HK1: variants seen among roughly 807,000 people sequenced by gnomAD.
HK1 encodes the protein hexokinase-1.
In HK1, 28 loss-of-function variants were observed where a neutral mutation model predicts 91.6. The observed-to-expected ratio is 0.31, with a 90% CI of 0.23 to 0.42. The LOEUF is 0.42. Among genes scored for constraint, HK1 ranks in the 10% least tolerant of loss-of-function variants. The pLI is 1.00. For synonymous variants in HK1, 430 were observed against 468.1 expected (o/e 0.92, Z 1.05); for missense variants, 770 against 1,219.8 (o/e 0.63, Z 5.49).
At chr10:69,338,455 T>A in intron 1 of HK1, 1 of 1,271,288 alleles carries the variant, frequency 7.9e-7, no homozygotes, top group Non-Finnish European at 1.0e-6. Flanking sequence ...TTTGAGGGCC[T>A]GGGTTTCTGT....
At position 69,351,924 on chromosome 10, in the gene HK1, G is replaced by A. The variant is rs551642934; in HGVS notation, c.226+7935G>A. ...TAGCTGATGGATGGTCAAATAAAAT[G>A]TTTCTGATATTCTAGTGACTCACCT... On this transcript the variant is annotated intron_variant, in intron 2 of 17. Coordinates refer to ENST00000359426, the MANE Select transcript of HK1 (RefSeq NM_000188.3). 5.9e-5 allele frequency among the ~76,000 whole-genome samples: 9 copies of A among 152,098 alleles called. No individual in the cohort carries two copies. In the East Asian group the frequency reaches 1.7e-3, roughly 29 times the overall value.
intron 1 of HK1, among the ~76,000 whole-genome samples, chr10:69,340,799 G>T (rs373712337): frequency 6.6e-6 from 1 of 152,140 alleles, no homozygotes; most frequent in African/African-American, 2.4e-5. Context: ...CCCAAGGCTC[G>T]CTGTGCTGTG....
At chr10:69,312,547 C>T (rs10159598), upstream of HK1, among the ~76,000 whole-genome samples, 14,251 of 147,308 alleles carry the variant, frequency 0.097, 1,732 homozygotes, top group African/African-American at 0.29. Flanking sequence ...CCATATAGCC[C>T]TTTTTTTTTT....
intron 1 of HK1, among the ~76,000 whole-genome samples, chr10:69,342,009 G>C (rs960631764): frequency 7.2e-5 from 11 of 152,086 alleles, no homozygotes; most frequent in Admixed American, 7.2e-4. Context: ...TTAGCAGGGC[G>C]TGGTGGCGCA....
At chr10:69,395,718 G>T (rs1840104802) in intron 16 of HK1, among the ~76,000 whole-genome samples, 1 of 152,210 alleles carries the variant, frequency 6.6e-6, no homozygotes, top group South Asian at 2.1e-4. Flanking sequence ...ACACATACTT[G>T]TATTGGGGGT....
At chr10:69,273,032 C>CT (rs745403867) in intron 1 of HK1, among the ~76,000 whole-genome samples, 4,587 of 130,474 alleles carry the variant, frequency 0.035, 308 homozygotes, top group African/African-American at 0.11. Flanking sequence ...TCTTTTTTAC[C>CT]TTTTTTTTTT....
chr10:69,326,693 A>G (rs938449300), intron 1 of HK1, among the ~76,000 whole-genome samples: 1 of 152,186 alleles, frequency 6.6e-6, no homozygotes, highest in Non-Finnish European at 1.5e-5. Flanking sequence ...GTTCACATAA[A>G]CACCTCTGAG....
At chr10:69,355,210 A>G (rs1226067155) in intron 2 of HK1, among the ~76,000 whole-genome samples, 1 of 152,192 alleles carries the variant, frequency 6.6e-6, no homozygotes, top group East Asian at 1.9e-4. Flanking sequence ...CACCATTGTA[A>G]GTTCCAGAAA....
rs940829667 is a variant in HK1, at chr10:69,365,387, C to T, written c.495+485C>T. Among the ~76,000 whole-genome samples the T allele has an allele frequency of 4.6e-5, 7 of 152,176 alleles. 1 individual carries two copies. The South Asian group carries it at 6.2e-4, about 13-fold the overall frequency. Reference sequence around the variant, plus strand: ...GCGACCTCCGAGGTGACTTGTTGTACCCACCTTCCTGTTTGTCATCTATTT... The same window carrying T: ...GCGACCTCCGAGGTGACTTGTTGTATCCACCTTCCTGTTTGTCATCTATTT... On this transcript the variant is annotated intron_variant, in intron 4 of 17. Transcript: ENST00000359426.
In HK1 at chr10:69,354,273, G is replaced by T. The variant is rs150809942; in HGVS notation, c.227-5624G>T. Among the ~76,000 whole-genome samples the T allele has an allele frequency of 1.5e-3, 225 of 152,316 alleles. 1 individual carries two copies. The highest frequency in any genetic ancestry group is 5.0e-3 in the African/African-American group (209 of 41,570). Reference sequence around the variant, plus strand: ...TTAATAAACAGCAAGCAGGGGTGCTGTATTAGTCCGTTTTCATACTGTTAA... The same window carrying T: ...TTAATAAACAGCAAGCAGGGGTGCTTTATTAGTCCGTTTTCATACTGTTAA... On this transcript the variant is annotated intron_variant, in intron 2 of 17. Coordinates refer to ENST00000359426, the MANE Select transcript of HK1 (RefSeq NM_000188.3).
chr10:69,297,782 A>G (rs376186104), intron 4 of HK1, among the ~76,000 whole-genome samples: 1 of 150,756 alleles, frequency 6.6e-6, no homozygotes, highest in South Asian at 2.1e-4. Context: ...TGTAATCCCA[A>G]CTACTTGGGA....
At chr10:69,370,749 A>G (rs1288520201) in intron 7 of HK1, among the ~76,000 whole-genome samples, 4 of 152,204 alleles carry the variant, frequency 2.6e-5, no homozygotes, top group African/African-American at 4.8e-5. Flanking sequence ...CATTCTTACT[A>G]TGGCAATCTC....
intron 5 of HK1, among the ~76,000 whole-genome samples, chr10:69,302,332 C>G (rs1845916705): frequency 6.6e-6 from 1 of 151,222 alleles, no homozygotes; most frequent in African/African-American, 2.4e-5. Context: ...GCTGCATGAA[C>G]TGAAATTGAG....
chr10:69,386,199 T>C, intron 12 of HK1, 124 bp from the exon 13 acceptor site: 2 of 752,922 alleles, frequency 2.7e-6, no homozygotes, highest in Non-Finnish European at 4.8e-6. Flanking sequence ...CTCAGATGTT[T>C]GAACTCCGTC....
At chr10:69,281,570 G>C (rs937359677) in intron 1 of HK1, among the ~76,000 whole-genome samples, 3 of 151,836 alleles carry the variant, frequency 2.0e-5, no homozygotes, top group Non-Finnish European at 3.0e-5. Flanking sequence ...CCCAGGATTA[G>C]ATGTTGTGGC....
At chr10:69,352,285 G>A (rs1193231139) in intron 2 of HK1, among the ~76,000 whole-genome samples, 1 of 152,086 alleles carries the variant, frequency 6.6e-6, no homozygotes, top group Non-Finnish European at 1.5e-5. Flanking sequence ...GAGCCACTGC[G>A]CCCGGCTGAA....
rs372240052 is a variant in HK1 at position 69,346,360 on chromosome 10, T to A, written c.226+2371T>A. On this transcript the variant is annotated intron_variant, in intron 2 of 17. Coordinates refer to ENST00000359426, the MANE Select transcript of HK1 (RefSeq NM_000188.3). ...CAAGGCAAAGGAAGGAAACAAGCCT[T>A]TCCTTTCTTGCTGACCTTGACCCTG... Among the ~76,000 whole-genome samples, 74 of 152,286 alleles carry A rather than the reference T, an allele frequency of 4.9e-4. 1 individual carries two copies. In the South Asian group the frequency reaches 0.015, roughly 31 times the overall value.
At chr10:69,282,095 A>C (rs1016746090) in intron 1 of HK1, among the ~76,000 whole-genome samples, 3 of 152,180 alleles carry the variant, frequency 2.0e-5, no homozygotes, top group African/African-American at 7.2e-5. Context: ...CTACTGTTGC[A>C]TTTCCATGAG....
intron 12 of HK1, among the ~76,000 whole-genome samples, chr10:69,385,567 G>A (rs1210401017): frequency 6.6e-6 from 1 of 152,226 alleles, no homozygotes; most frequent in Non-Finnish European, 1.5e-5. Flanking sequence ...GACCCAGCCT[G>A]TCACGCTGGA....
Sources: gnomAD v4.1 joint callset for allele counts (sites outside exome capture counted in the v4.1 genomes callset) on GRCh38, gnomAD v4.1.1 for gene constraint, MANE v1.5 for transcripts, NCBI Gene and HGNC (gene_info 2026-07-23, HGNC 2026-07-21) for gene names.